Variants in LAMA2 observed in about 807,000 individuals in gnomAD.
LAMA2 encodes the protein laminin subunit alpha-2.
Under a neutral mutation model 364.8 loss-of-function variants are expected in LAMA2, and 269 were observed. The observed-to-expected ratio is 0.74, with a 90% CI of 0.67 to 0.82. The LOEUF is 0.82. Among genes scored for constraint, LAMA2 ranks in the 40% least tolerant of loss-of-function variants. LAMA2 has a pLI of 0.00. For missense variants in LAMA2, 3,807 were observed against 3,873.2 expected (o/e 0.98, Z 0.45); for synonymous variants, 1,379 against 1,370.6 (o/e 1.01, Z -0.14).
chr6:129,483,462 G>A (rs549264731), intron 55 of LAMA2, among the ~76,000 whole-genome samples: 2 of 152,168 alleles, frequency 1.3e-5, no homozygotes, highest in South Asian at 2.1e-4. Context: ...AAATTTCATT[G>A]AATGATACCA....
chr6:129,391,446 G>A (rs747127930), intron 35 of LAMA2, 45 bp from the exon 36 acceptor site: 19 of 1,470,384 alleles, frequency 1.3e-5, no homozygotes, highest in Non-Finnish European at 1.7e-5. Context: ...TTTTCATGTG[G>A]CATGTTTGTT....
At chr6:128,962,093 C>T (rs1291250542) in intron 1 of LAMA2, among the ~76,000 whole-genome samples, 2 of 131,480 alleles carry the variant, frequency 1.5e-5, no homozygotes, top group African/African-American at 5.9e-5. Flanking sequence ...TCCTTCCATC[C>T]TATATTAATT....
chr6:129,445,100 G>A (rs1419658069), intron 44 of LAMA2, among the ~76,000 whole-genome samples: 2 of 152,098 alleles, frequency 1.3e-5, no homozygotes, highest in East Asian at 3.9e-4. Flanking sequence ...AAATGAAATT[G>A]AACTGCACCA....
rs183711689 is a variant in LAMA2 at position 129,259,071 on chromosome 6, G to A, written c.2097-1640G>A. The stretch of plus-strand genomic sequence containing the variant: ...ACTGCCTATATCTGGTGATTTCAGG[G>A]TTAATTTCCTTTTCTGCTTCCTGAT... On this transcript the variant is annotated intron_variant, in intron 14 of 64. Transcript: ENST00000421865. Among the ~76,000 whole-genome samples the A allele has an allele frequency of 6.7e-3, 1,014 of 152,142 alleles. 8 individuals carry two copies. The highest frequency in any genetic ancestry group is 8.3e-3 in the Non-Finnish European group (565 of 67,934).
At chr6:129,035,129 C>G (rs547592432) in intron 1 of LAMA2, among the ~76,000 whole-genome samples, 4 of 152,218 alleles carry the variant, frequency 2.6e-5, no homozygotes, top group South Asian at 4.1e-4. Context: ...CTTTTCTCTG[C>G]AACCTCACCG....
At chr6:129,080,497 A>G (rs1301866838) in intron 3 of LAMA2, among the ~76,000 whole-genome samples, 1 of 152,220 alleles carries the variant, frequency 6.6e-6, no homozygotes, top group African/African-American at 2.4e-5. Flanking sequence ...GTAACCTGAA[A>G]TGCTGGGTTG....
intron 4 of LAMA2, among the ~76,000 whole-genome samples, chr6:129,133,867 AAC>A (rs148016532): frequency 8.1e-4 from 123 of 151,204 alleles, no homozygotes; most frequent in East Asian, 8.1e-3. Flanking sequence ...GAGACAATTC[AAC>A]ACACACACAC....
At chr6:129,492,993 A>G (rs1784954079) in intron 58 of LAMA2, among the ~76,000 whole-genome samples, 1 of 152,028 alleles carries the variant, frequency 6.6e-6, no homozygotes, top group South Asian at 2.1e-4. Context: ...CGTCTCTTCT[A>G]AAATACAAAA....
intron 9 of LAMA2, among the ~76,000 whole-genome samples, chr6:129,173,263 C>T (rs1756005756): frequency 6.6e-6 from 1 of 152,216 alleles, no homozygotes; most frequent in Non-Finnish European, 1.5e-5. Context: ...ACTTTTATCA[C>T]CATTACATAT....
rs560499388 is a variant in LAMA2 at position 128,995,163 on chromosome 6, T to G, written c.113-54755T>G. Among the ~76,000 whole-genome samples, 4 of 152,346 alleles carry G rather than the reference T, an allele frequency of 2.6e-5. No individual in the cohort carries two copies. The South Asian group carries it at 8.3e-4, about 32-fold the overall frequency. On this transcript the variant is annotated intron_variant, in intron 1 of 64. Transcript: ENST00000421865. ...ATATCACAGTACTTATCATATGATA[T>G]TCAACAACCTGACTGTTTTCCATTT...
At chr6:129,359,820 G>A (rs1777362324) in intron 32 of LAMA2, among the ~76,000 whole-genome samples, 1 of 152,162 alleles carries the variant, frequency 6.6e-6, no homozygotes, top group Non-Finnish European at 1.5e-5. Flanking sequence ...TGCAGTGTGT[G>A]ATTTTTTTTG....
intron 1 of LAMA2, among the ~76,000 whole-genome samples, chr6:128,986,265 T>C (rs1582825606): frequency 6.6e-6 from 1 of 152,148 alleles, no homozygotes. Flanking sequence ...TAAGATGTGG[T>C]AGGATTGTTT....
At chr6:129,157,579 A>G in intron 8 of LAMA2, 9 of 1,612,892 alleles carry the variant, frequency 5.6e-6, no homozygotes, top group Non-Finnish European at 7.6e-6. Context: ...TTAATTCTCA[A>G]CGCTGTGAGT....
intron 1 of LAMA2, among the ~76,000 whole-genome samples, chr6:128,975,162 AT>A (rs1204962326): frequency 2.6e-5 from 4 of 152,292 alleles, no homozygotes; most frequent in African/African-American, 9.6e-5. Context: ...ATGAGTAACA[AT>A]TTTTAAAATA....
chr6:129,178,472 C>T (rs1419808242), intron 10 of LAMA2, among the ~76,000 whole-genome samples: 1 of 152,040 alleles, frequency 6.6e-6, no homozygotes, highest in Admixed American at 6.6e-5. Context: ...ACCTCTGCAG[C>T]TTATAAACAT....
chr6:129,501,951 T>A (rs1159663986), intron 58 of LAMA2, among the ~76,000 whole-genome samples: 1 of 152,166 alleles, frequency 6.6e-6, no homozygotes, highest in Non-Finnish European at 1.5e-5. Flanking sequence ...GAAAAATTAT[T>A]AAGAATTTCA....
At chr6:129,007,436 T>C (rs748622257) in intron 1 of LAMA2, among the ~76,000 whole-genome samples, 1 of 152,140 alleles carries the variant, frequency 6.6e-6, no homozygotes, top group Non-Finnish European at 1.5e-5. Context: ...AAGAAGTGAA[T>C]TGAGGATTCT....
chr6:129,385,737 A>G (rs1778980131), intron 35 of LAMA2, among the ~76,000 whole-genome samples: 1 of 152,218 alleles, frequency 6.6e-6, no homozygotes, highest in South Asian at 2.1e-4. Flanking sequence ...GAGTGGACAT[A>G]GGTAAACCCA....
chr6:129,355,284 G>A (rs944291908), intron 32 of LAMA2, among the ~76,000 whole-genome samples: 1 of 152,010 alleles, frequency 6.6e-6, no homozygotes, highest in African/African-American at 2.4e-5. Context: ...TCTAAGAATT[G>A]TTACACAGAG....
Sources: gnomAD v4.1 joint callset for allele counts (sites outside exome capture counted in the v4.1 genomes callset) on GRCh38, gnomAD v4.1.1 for gene constraint, MANE v1.5 for transcripts, NCBI Gene and HGNC (gene_info 2026-07-23, HGNC 2026-07-21) for gene names.